ATP8B4: variants seen among roughly 807,000 people sequenced by gnomAD.
The protein encoded by ATP8B4 is probable phospholipid-transporting ATPase IM.
Under a neutral mutation model 145.6 loss-of-function variants are expected in ATP8B4, and 133 were observed. The ratio of observed to expected loss-of-function variants is 0.91; its 90% CI spans 0.79 to 1.05. ATP8B4 has a LOEUF of 1.05. Ranked by LOEUF, ATP8B4 falls within the 50% of genes least tolerant of loss-of-function variation. ATP8B4 has a pLI of 0.00. For synonymous variants in ATP8B4, 507 were observed against 492.9 expected (o/e 1.03, Z -0.38); for missense variants, 1,458 against 1,425.2 (o/e 1.02, Z -0.37).
intron 16 of ATP8B4, among the ~76,000 whole-genome samples, chr15:49,926,050 T>A (rs571548720): frequency 1.1e-4 from 16 of 152,220 alleles, no homozygotes; most frequent in Non-Finnish European, 2.4e-4. Context: ...CTTTTTTTTA[T>A]CTTCCCATCC....
rs890903903 is a variant in ATP8B4, at chr15:49,924,681, A to G, written c.1643-1187T>C. 3.3e-5 allele frequency among the ~76,000 whole-genome samples: 5 copies of G among 152,218 alleles called. No homozygotes were observed. In the East Asian group the frequency reaches 9.6e-4, roughly 29 times the overall value. The stretch of plus-strand genomic sequence containing the variant: ...TTTCCTCCTGGCTTACATAGATCTA[A>G]TAACATACCCTGGAAGCTTTTTAGG... On this transcript the variant is annotated intron_variant, in intron 16 of 27. Transcript: ENST00000284509.
chr15:49,957,920 T>C (rs1350164677), intron 14 of ATP8B4, among the ~76,000 whole-genome samples: 1 of 151,872 alleles, frequency 6.6e-6, no homozygotes, highest in Non-Finnish European at 1.5e-5. Context: ...AGCTAAATTA[T>C]ACATAGCTAA....
At chr15:50,045,658 T>G (rs190035037) in intron 4 of ATP8B4, among the ~76,000 whole-genome samples, 5 of 152,292 alleles carry the variant, frequency 3.3e-5, no homozygotes, top group Admixed American at 2.6e-4. Flanking sequence ...GAGCTTGGTG[T>G]CAGAAAAGCT....
rs756398456 is a variant in ATP8B4 at position 49,866,376 on chromosome 15, C to T, written c.3136G>A (p.Gly1046Ser). The part of the protein sequence containing the change: ...LFTMHSNGIF[G>S]IFPNQFPFVG... Reference sequence around the variant, plus strand: ...AATGGAAACTGGTTTGGGAAGATGCCAAAGATGCCATTACTGTGCATTGTA... The same window carrying T: ...AATGGAAACTGGTTTGGGAAGATGCTAAAGATGCCATTACTGTGCATTGTA... The change falls in exon 26 of 28, where the codon GGC becomes AGC. Residue 1046 changes from glycine (G) to serine (S), a missense_variant. Coordinates refer to ENST00000284509, the MANE Select transcript of ATP8B4 (RefSeq NM_024837.4). The T allele has an allele frequency of 1.9e-6, 3 of 1,613,932 alleles. No homozygotes were observed. The highest frequency in any genetic ancestry group is 2.5e-6 in the Non-Finnish European group (3 of 1,179,876).
At chr15:50,038,723 G>A (rs1187884284) in intron 6 of ATP8B4, 45 bp downstream of exon 6, 1 of 1,474,538 alleles carries the variant, frequency 6.8e-7, no homozygotes, top group African/African-American at 1.4e-5. Context: ...AGCTGTTTCA[G>A]GGTCCTAGAA....
At chr15:50,026,292 C>G (rs1387777592) in intron 6 of ATP8B4, among the ~76,000 whole-genome samples, 1 of 152,172 alleles carries the variant, frequency 6.6e-6, no homozygotes, top group Admixed American at 6.5e-5. Flanking sequence ...TGAGAGGAAC[C>G]TTGAAATATC....
At chr15:50,098,319 T>A (rs1463939664) in intron 2 of ATP8B4, among the ~76,000 whole-genome samples, 4 of 115,376 alleles carry the variant, frequency 3.5e-5, no homozygotes, top group Non-Finnish European at 6.6e-5. Context: ...TTAGATAGGG[T>A]CTCACTCTGT....
intron 12 of ATP8B4, among the ~76,000 whole-genome samples, chr15:49,974,274 G>T (rs2045464829): frequency 6.6e-6 from 1 of 151,378 alleles, no homozygotes; most frequent in African/African-American, 2.4e-5. Flanking sequence ...GTAGAGACGG[G>T]GTTTCACTAC....
intron 1 of ATP8B4, among the ~76,000 whole-genome samples, chr15:50,155,457 GA>G (rs1210023704): frequency 6.6e-6 from 1 of 152,064 alleles, no homozygotes; most frequent in South Asian, 2.1e-4. Context: ...ATAAACCCAG[GA>G]AAAATGTGTG....
intron 2 of ATP8B4, among the ~76,000 whole-genome samples, chr15:50,083,734 C>G (rs79918057): frequency 6.6e-6 from 1 of 152,170 alleles, no homozygotes; most frequent in African/African-American, 2.4e-5. Context: ...TTCTTTAATA[C>G]GTATTGGTTT....
chr15:49,928,529 T>C (rs891905959), intron 16 of ATP8B4, among the ~76,000 whole-genome samples: 26 of 152,052 alleles, frequency 1.7e-4, no homozygotes, highest in Non-Finnish European at 2.8e-4. Context: ...TCTTTTAAGG[T>C]TTGGGAAGCC....
intron 3 of ATP8B4, among the ~76,000 whole-genome samples, chr15:50,062,140 C>T (rs1373332928): frequency 6.6e-6 from 1 of 152,132 alleles, no homozygotes; most frequent in African/African-American, 2.4e-5. Flanking sequence ...TGTGTGTCCC[C>T]ACCCAAGTCT....
chr15:50,170,059 A>G (rs1421803979), intron 1 of ATP8B4, among the ~76,000 whole-genome samples: 1 of 152,146 alleles, frequency 6.6e-6, no homozygotes, highest in Non-Finnish European at 1.5e-5. Context: ...AAAACTCATC[A>G]GTGTACCTGA....
chr15:49,995,453 C>A (rs1465095489), intron 9 of ATP8B4, among the ~76,000 whole-genome samples: 2 of 152,094 alleles, frequency 1.3e-5, no homozygotes, highest in African/African-American at 2.4e-5. Context: ...CAAAATATTT[C>A]TTGGACCATT....
chr15:49,945,028 C>A (rs2042451279), intron 14 of ATP8B4, among the ~76,000 whole-genome samples: 1 of 152,030 alleles, frequency 6.6e-6, no homozygotes, highest in Non-Finnish European at 1.5e-5. Flanking sequence ...CATGCCAAAC[C>A]TCATGGCATA....
intron 5 of ATP8B4, among the ~76,000 whole-genome samples, chr15:50,040,127 T>C (rs1157641068): frequency 6.6e-6 from 1 of 152,232 alleles, no homozygotes; most frequent in Non-Finnish European, 1.5e-5. Context: ...CCCTGTGCCA[T>C]GAAAAGTTGG....
At chr15:50,134,490 A>T (rs1187657029) in intron 1 of ATP8B4, among the ~76,000 whole-genome samples, 1 of 152,180 alleles carries the variant, frequency 6.6e-6, no homozygotes, top group Non-Finnish European at 1.5e-5. Context: ...GAACAGCAGG[A>T]ACAAAGACAG....
At chr15:50,096,062 CA>C (rs1306617228) in intron 2 of ATP8B4, among the ~76,000 whole-genome samples, 2 of 152,036 alleles carry the variant, frequency 1.3e-5, no homozygotes, top group African/African-American at 4.8e-5. Flanking sequence ...TAGAGATGAA[CA>C]GAAACCAAAA....
At chr15:50,172,236 C>T (rs2044685562) in intron 1 of ATP8B4, among the ~76,000 whole-genome samples, 2 of 152,246 alleles carry the variant, frequency 1.3e-5, no homozygotes, top group African/African-American at 4.8e-5. Context: ...TCACTGCAAC[C>T]TCCCTGCCTG....
Sources: gnomAD v4.1 joint callset for allele counts (sites outside exome capture counted in the v4.1 genomes callset) on GRCh38, gnomAD v4.1.1 for gene constraint, MANE v1.5 for transcripts, NCBI Gene and HGNC (gene_info 2026-07-23, HGNC 2026-07-21) for gene names.